The following FLT4 variants were observed in gnomAD, a reference collection of about 807,000 sequenced individuals.
The protein encoded by FLT4 is vascular endothelial growth factor receptor 3.
Under a neutral mutation model 163.2 loss-of-function variants are expected in FLT4, and 30 were observed. The ratio of observed to expected loss-of-function variants is 0.18; its 90% CI spans 0.14 to 0.25. FLT4 has a LOEUF of 0.25. Ranked by LOEUF, FLT4 falls within the 10% of genes least tolerant of loss-of-function variation. FLT4 has a pLI of 1.00. For missense variants in FLT4, 1,510 were observed against 1,863.8 expected, an observed-to-expected ratio of 0.81 and a Z score of 3.50; for synonymous variants, 884 against 789.5, an observed-to-expected ratio of 1.12 and a Z score of -2.01.
At chr5:180,644,599 C>T (rs903900890) in intron 1 of FLT4, among the ~76,000 whole-genome samples, 6 of 152,204 alleles carry the variant, frequency 3.9e-5, no homozygotes, top group African/African-American at 1.4e-4. Context: ...GCCGTTTCAC[C>T]CTTGTGGCCT....
Position 180,637,718 on chromosome 5 carries a change from C to T in FLT4, c.59-5940G>A, listed in dbSNP as rs148541949. ...CAGCTAATTTTGTATCTTTAGTAGA[C>T]GGGGCTTCTCCATGTTGGTCAGGCT... On this transcript the variant is annotated intron_variant, in intron 1 of 29. Coordinates refer to ENST00000261937, the MANE Select transcript of FLT4 (RefSeq NM_182925.5). Among the ~76,000 whole-genome samples the T allele has an allele frequency of 2.7e-3, 405 of 152,232 alleles. 3 individuals are homozygous for T. Among genetic ancestry groups the T allele is most frequent in the African/African-American group, 9.1e-3 (378 of 41,560 alleles).
chr5:180,624,390 C>T (rs373312689), intron 10 of FLT4, among the ~76,000 whole-genome samples: 3 of 152,132 alleles, frequency 2.0e-5, no homozygotes, highest in Admixed American at 2.0e-4. Context: ...CCACGCCTGG[C>T]TATTTTTTTT....
intron 29 of FLT4, among the ~76,000 whole-genome samples, chr5:180,606,419 TCA>T (rs1761785020): frequency 6.6e-6 from 1 of 152,156 alleles, no homozygotes; most frequent in African/African-American, 2.4e-5. Context: ...AAGGACCTCG[TCA>T]CACTCTCCTC....
intron 23 of FLT4, among the ~76,000 whole-genome samples, chr5:180,614,496 G>A (rs1386231028): frequency 3.3e-5 from 5 of 151,982 alleles, no homozygotes; most frequent in African/African-American, 4.8e-5. Context: ...GACCTCCAGC[G>A]CAGCCTCCTG....
At chr5:180,641,933 G>A (rs1765143875) in intron 1 of FLT4, among the ~76,000 whole-genome samples, 1 of 152,162 alleles carries the variant, frequency 6.6e-6, no homozygotes, top group Non-Finnish European at 1.5e-5. Context: ...TGTCGGCTGG[G>A]CACAGTGGCT....
rs999429850 is a variant in FLT4 at position 180,649,535 on chromosome 5, C to T, written c.11G>A (p.Gly4Asp). 2 of 1,440,298 alleles carry T rather than the reference C, an allele frequency of 1.4e-6. No homozygotes were observed. Among genetic ancestry groups the T allele is most frequent in the Non-Finnish European group, 1.8e-6 (2 of 1,096,896 alleles). The allele number at this position is 1,440,298 out of a possible 1,614,324, so 89.2% of individuals were successfully genotyped here. A position where few individuals can be genotyped will look rare whatever the true frequency, so the allele number is the denominator to read the frequency against. ...CCACAGTCGCAGGCACAGCGCGGCG[C>T]CCCGCTGCATCTCCGGCCGCTGCGC... is the stretch of plus-strand genomic sequence containing the variant. MQR[G>D]AALCLRLWLC... The change falls in exon 1 of 30, where the codon GGC (glycine) becomes GAC (aspartate). Residue 4 changes from glycine to aspartate, a missense_variant. This residue lies in a region of FLT4 where 157 missense variants were observed against 178.7 expected (regional missense o/e 0.88). Coordinates refer to ENST00000261937, the MANE Select transcript of FLT4 (RefSeq NM_182925.5).
At chr5:180,639,802 TTGTC>T (rs111422359) in intron 1 of FLT4, among the ~76,000 whole-genome samples, 1 of 152,184 alleles carries the variant, frequency 6.6e-6, no homozygotes, top group African/African-American at 2.4e-5. Context: ...TGCCTGGCTG[TTGTC>T]TGTCTCTGCT....
intron 27 of FLT4, among the ~76,000 whole-genome samples, chr5:180,610,524 A>G (rs1036213793): frequency 2.0e-5 from 3 of 152,248 alleles, no homozygotes; most frequent in African/African-American, 7.2e-5. Flanking sequence ...TCTCAGCAAC[A>G]CTGCTGTGAA....
intron 29 of FLT4, chr5:180,607,825 G>A (rs769910886): frequency 1.5e-4 from 69 of 464,824 alleles, no homozygotes; most frequent in Non-Finnish European, 2.5e-4. Context: ...ATAACTGGTG[G>A]GCACAGGGTC....
rs1237020623 is a variant in FLT4 at position 180,630,168 on chromosome 5, G to A, written c.513+57C>T. ...CTTGCTCCTGGCCAGACAGGCGGCCGCCTTTCCCAGGGGTGGGATGGGAGG... is the reference window on the plus strand; with the variant it reads ...CTTGCTCCTGGCCAGACAGGCGGCCACCTTTCCCAGGGGTGGGATGGGAGG... On this transcript the variant is annotated intron_variant, in intron 4 of 29. Coordinates refer to ENST00000261937, the MANE Select transcript of FLT4 (RefSeq NM_182925.5). The surrounding 1 kb of genome is among the most constrained non-coding windows in gnomAD (Gnocchi z 6.3). The A allele has an allele frequency of 1.2e-5, 18 of 1,514,546 alleles. No individual in the cohort carries two copies. Among genetic ancestry groups the A allele is most frequent in the Admixed American group, 1.7e-5 (1 of 59,240 alleles). 93.8% of individuals were successfully genotyped at this position (1,514,546 alleles called of 1,614,324 possible).
intron 1 of FLT4, among the ~76,000 whole-genome samples, chr5:180,634,310 T>A (rs1764390586): frequency 6.6e-6 from 1 of 152,202 alleles, no homozygotes; most frequent in Non-Finnish European, 1.5e-5. Flanking sequence ...CAGACTGAAC[T>A]GTGGTTTTAT....
chr5:180,641,580 G>A (rs1160337043), intron 1 of FLT4, among the ~76,000 whole-genome samples: 2 of 147,464 alleles, frequency 1.4e-5, no homozygotes, highest in African/African-American at 5.1e-5. Context: ...GGGTTGGGCA[G>A]AGGGGGTCAC....
intron 1 of FLT4, among the ~76,000 whole-genome samples, chr5:180,634,694 C>CAA (rs1214794098): frequency 8.2e-5 from 3 of 36,416 alleles, no homozygotes; most frequent in African/African-American, 1.1e-4. Context: ...GACTCCGTCT[C>CAA]AAAAAAAAAA....
intron 2 of FLT4, among the ~76,000 whole-genome samples, 199 bp downstream of exon 2, chr5:180,631,483 A>G (rs1440440283): frequency 6.6e-6 from 1 of 151,834 alleles, no homozygotes; most frequent in African/African-American, 2.4e-5. Context: ...AGAAAAAAAA[A>G]AAGAAATGCT....
intron 7 of FLT4, 61 bp downstream of exon 7, chr5:180,629,198 G>A: frequency 1.3e-6 from 2 of 1,593,878 alleles, no homozygotes; most frequent in Non-Finnish European, 1.7e-6. Flanking sequence ...GTGCTCAAGG[G>A]CACCGTGAGC....
chr5:180,625,997 G>A lies in FLT4; in HGVS notation c.1293C>T (p.Ser431=), dbSNP rs1291217989. The A allele has an allele frequency of 1.9e-6, 3 of 1,612,738 alleles. No individual in the cohort carries two copies. The highest frequency in any genetic ancestry group is 1.3e-5 in the African/African-American group (1 of 75,038). Residue 431 remains serine, a synonymous_variant, in exon 10 of 30, where the codon TCC becomes TCT. Transcript: ENST00000261937. ...PPQIHEKEAS[S]PSIYSRHSRQ... ...GGCTGTGACGCGAGTAGATGCTGGG[G>A]GAGGAGGCCTCCTTCTCATGTATCT...
At chr5:180,617,047 C>T in intron 21 of FLT4, 53 bp from the exon 22 acceptor site, 1 of 1,316,724 alleles carries the variant, frequency 7.6e-7, no homozygotes, top group Non-Finnish European at 1.1e-6. Flanking sequence ...CGGCCTCCAT[C>T]TACCCAGCCC....
chr5:180,619,171 C>G (rs969874494), intron 19 of FLT4, 62 bp from the exon 20 acceptor site: 1 of 1,286,948 alleles, frequency 7.8e-7, no homozygotes, highest in Non-Finnish European at 9.9e-7. Context: ...GGGCGCGCTC[C>G]GCGTTTGCAC....
Position 180,618,822 on chromosome 5 carries a change from C to T in FLT4, c.2949G>A (p.Ala983=), listed in dbSNP as rs778439509. Residue 983 remains alanine, a synonymous_variant, in exon 21 of 30, where the codon GCG becomes GCA. Coordinates refer to ENST00000261937, the MANE Select transcript of FLT4 (RefSeq NM_182925.5). The stretch of plus-strand genomic sequence containing the variant: ...CTCCGCCCTCGGTCTTCGAGAACCG[C>T]GCGAAGAGGACCCTGTCGCTGCTCC... ...RPGSSDRVLF[A]RFSKTEGGAR... The T allele has an allele frequency of 3.0e-5, 48 of 1,585,952 alleles. No homozygotes were observed. The South Asian group carries it at 5.4e-4, about 18-fold the overall frequency.
Sources: gnomAD v4.1 joint callset for allele counts (sites outside exome capture counted in the v4.1 genomes callset) on GRCh38, gnomAD v4.1.1 for gene constraint, gnomAD v4.1.1 regional missense constraint, Gnocchi (gnomAD v3.1) non-coding constraint, MANE v1.5 for transcripts, NCBI Gene and HGNC (gene_info 2026-07-23, HGNC 2026-07-21) for gene names.